ENTREP2: variants seen among roughly 807,000 people sequenced by gnomAD.
The protein encoded by ENTREP2 is protein ENTREP2.
the ENTREP2 span, among the ~76,000 whole-genome samples, chr15:29,444,206 G>GAAAGAAAGAAAGAAAGAAAGA: frequency 8.3e-5 from 12 of 144,652 alleles, no homozygotes; most frequent in African/African-American, 3.2e-4. Context: ...AAGAAAGAAA[G>GAAAGAAAGAAAGAAAGAAAGA]AAAGAAAGAA....
chr15:29,526,559 G>A, the ENTREP2 span, among the ~76,000 whole-genome samples: 6 of 151,994 alleles, frequency 3.9e-5, no homozygotes, highest in Non-Finnish European at 5.9e-5. Context: ...AAACTCCTGG[G>A]TTCAAGCAAT....
At chr15:29,207,173 C>T in the ENTREP2 span, among the ~76,000 whole-genome samples, 1 of 152,130 alleles carries the variant, frequency 6.6e-6, no homozygotes, top group South Asian at 2.1e-4. Context: ...GCAGTCCCTG[C>T]CAGACCTGAG....
chr15:29,501,078 A>G, the ENTREP2 span, among the ~76,000 whole-genome samples: 5 of 152,102 alleles, frequency 3.3e-5, no homozygotes, highest in African/African-American at 1.2e-4. Context: ...TCTTTCAATG[A>G]GGAAAGCCTC....
chr15:29,629,736 G>T, the ENTREP2 span, among the ~76,000 whole-genome samples: 2 of 148,030 alleles, frequency 1.4e-5, no homozygotes, highest in South Asian at 2.1e-4. Context: ...TTATTCTATT[G>T]TTTTTTTCTT....
At chr15:29,511,282 C>T in the ENTREP2 span, among the ~76,000 whole-genome samples, 6 of 152,002 alleles carry the variant, frequency 3.9e-5, no homozygotes, top group Admixed American at 2.6e-4. Context: ...ATAAGATTCC[C>T]AAAGCAGCCT....
the ENTREP2 span, among the ~76,000 whole-genome samples, chr15:29,437,789 G>A: frequency 7.9e-5 from 12 of 152,264 alleles, no homozygotes; most frequent in Admixed American, 5.9e-4. Context: ...TCAGAACTTG[G>A]ATTTTAGTGA....
At chr15:29,331,289 G>A in the ENTREP2 span, among the ~76,000 whole-genome samples, 2 of 152,316 alleles carry the variant, frequency 1.3e-5, no homozygotes, top group East Asian at 1.9e-4. Context: ...CCGCCGGGAG[G>A]AGGGAAAAGC....
At chr15:29,393,927 T>C in the ENTREP2 span, among the ~76,000 whole-genome samples, 1 of 152,150 alleles carries the variant, frequency 6.6e-6, no homozygotes. Flanking sequence ...AAATTATTCT[T>C]TCCCTCCATT....
chr15:29,201,402 G>A, the ENTREP2 span, among the ~76,000 whole-genome samples: 2 of 152,186 alleles, frequency 1.3e-5, no homozygotes, highest in Admixed American at 6.5e-5. Flanking sequence ...TGTGTTAGCT[G>A]TAGGTCTTTT....
At chr15:29,251,472 G>A in the ENTREP2 span, among the ~76,000 whole-genome samples, 36 of 152,320 alleles carry the variant, frequency 2.4e-4, no homozygotes, top group African/African-American at 7.9e-4. Context: ...AGCCCAGGAC[G>A]GCTTCGAATG....
chr15:29,236,578 G>A, the ENTREP2 span, among the ~76,000 whole-genome samples: 1 of 152,174 alleles, frequency 6.6e-6, no homozygotes, highest in African/African-American at 2.4e-5. Flanking sequence ...GAGCTCAGGA[G>A]TTCAAGGTTG....
At chr15:29,179,351 G>A in the ENTREP2 span, among the ~76,000 whole-genome samples, 1 of 152,336 alleles carries the variant, frequency 6.6e-6, no homozygotes, top group East Asian at 1.9e-4. Flanking sequence ...AAGAGAAGAG[G>A]ATGAATATGA....
the ENTREP2 span, among the ~76,000 whole-genome samples, chr15:29,358,493 G>A: frequency 4.6e-3 from 693 of 152,304 alleles, 10 homozygotes; most frequent in African/African-American, 0.015. Context: ...GGAGGGTCCT[G>A]GAGTGGGCAG....
chr15:29,119,806 C>T, the ENTREP2 span, among the ~76,000 whole-genome samples: 7 of 152,266 alleles, frequency 4.6e-5, no homozygotes, highest in East Asian at 5.8e-4. Flanking sequence ...CTGGAGGGAA[C>T]GGGATTCCAC....
chr15:29,390,641 C>T, the ENTREP2 span, among the ~76,000 whole-genome samples: 2 of 152,206 alleles, frequency 1.3e-5, no homozygotes, highest in Admixed American at 6.5e-5. Context: ...GAAATAATGG[C>T]ATCCTTAGAG....
At chr15:29,525,108 A>G in the ENTREP2 span, among the ~76,000 whole-genome samples, 1 of 152,242 alleles carries the variant, frequency 6.6e-6, no homozygotes, top group African/African-American at 2.4e-5. Flanking sequence ...AGCTAGGCTT[A>G]GGAATTCTTA....
the ENTREP2 span, among the ~76,000 whole-genome samples, chr15:29,572,408 A>T: frequency 6.6e-6 from 1 of 152,190 alleles, no homozygotes; most frequent in African/African-American, 2.4e-5. Context: ...AAGAGCTTGA[A>T]ACAATACAAG....
chr15:29,601,987 C>T, the ENTREP2 span, among the ~76,000 whole-genome samples: 5 of 152,214 alleles, frequency 3.3e-5, no homozygotes, highest in Admixed American at 1.3e-4. Context: ...CTAGCAGCCC[C>T]ATTTGTGCTC....
chr15:29,138,389 A>C, the ENTREP2 span, among the ~76,000 whole-genome samples: 7 of 152,220 alleles, frequency 4.6e-5, no homozygotes, highest in Non-Finnish European at 7.3e-5. Flanking sequence ...GATGCCTGGG[A>C]CATTGCTCCA....
Sources: allele counts gnomAD v4.1 joint callset (sites outside exome capture counted in the v4.1 genomes callset), GRCh38; gene constraint gnomAD v4.1.1; transcripts MANE v1.5; gene names NCBI Gene and HGNC (gene_info 2026-07-23, HGNC 2026-07-21).